Variants in HTR4 observed in about 807,000 individuals in gnomAD.
HTR4 encodes the protein 5-hydroxytryptamine (serotonin) receptor 4, G protein-coupled.
HTR4 carries 16 observed loss-of-function variants against 36.8 expected under a neutral mutation model. The ratio of observed to expected loss-of-function variants is 0.43; its 90% CI spans 0.29 to 0.66. The LOEUF (loss-of-function observed/expected upper bound fraction) is 0.66. Ranked by LOEUF, HTR4 falls within the 30% of genes least tolerant of loss-of-function variation. HTR4 has a pLI of 0.13. For missense variants in HTR4, 438 were observed against 490.9 expected, an observed-to-expected ratio of 0.89 and a Z score of 1.02; for synonymous variants, 189 against 185.1, an observed-to-expected ratio of 1.02 and a Z score of -0.17.
At chr5:148,538,265 G>A (rs998356944) in intron 4 of HTR4, among the ~76,000 whole-genome samples, 1 of 151,964 alleles carries the variant, frequency 6.6e-6, no homozygotes, top group Non-Finnish European at 1.5e-5. Context: ...TGACAAACTC[G>A]CAGCCAACAT....
At chr5:148,645,069 G>A (rs1004753790) in intron 1 of HTR4, 1 of 152,094 alleles carries the variant, frequency 6.6e-6, no homozygotes, top group African/African-American at 2.4e-5. Context: ...TTTATTTAAG[G>A]AAAATTAATT....
rs929025326 is a variant in HTR4 at position 148,501,958 on chromosome 5, G to A, written c.1076+7498C>T. ...GCCTGTAGTCCCAGCTACTGGGGAG[G>A]ATGAGGAAAGAGAATGGCGTGAACC... On this transcript the variant is annotated intron_variant, in intron 6 of 6. Coordinates refer to ENST00000377888, the MANE Select transcript of HTR4 (RefSeq NM_000870.7). Among the ~76,000 whole-genome samples the A allele has an allele frequency of 2.0e-5, 3 of 151,852 alleles. No individual in the cohort carries two copies. In the South Asian group the frequency reaches 6.2e-4, roughly 31 times the overall value.
chr5:148,605,604 T>A (rs992552464), intron 2 of HTR4, among the ~76,000 whole-genome samples: 1 of 152,074 alleles, frequency 6.6e-6, no homozygotes, highest in Non-Finnish European at 1.5e-5. Context: ...GATCTTCACG[T>A]TCCGCAGTTA....
intron 4 of HTR4, among the ~76,000 whole-genome samples, chr5:148,541,706 A>C (rs1271103820): frequency 6.6e-6 from 1 of 152,204 alleles, no homozygotes. Context: ...CATGGGTAGG[A>C]GTTGAGGTAG....
Position 148,465,389 on chromosome 5 carries a change from G to T in HTR4, c.1077-14117C>A, listed in dbSNP as rs528114792. Among the ~76,000 whole-genome samples, 44 of 152,240 alleles carry T rather than the reference G, an allele frequency of 2.9e-4. No individual in the cohort carries two copies. In the South Asian group the frequency reaches 8.5e-3, roughly 29 times the overall value. ...TCAGTTATGCTGTGAACCTAAAACT[G>T]CTCTAAAAAGTAGTCTCTTTAGAAA... On this transcript the variant is annotated intron_variant, in intron 5 of 5. Coordinates refer to the HTR4 transcript ENST00000521530.
intron 6 of HTR4, among the ~76,000 whole-genome samples, chr5:148,504,218 T>C (rs559128288): frequency 1.3e-5 from 2 of 152,318 alleles, no homozygotes; most frequent in Non-Finnish European, 2.9e-5. Flanking sequence ...ATCACACTTA[T>C]TCCAAAATTG....
chr5:148,501,732 C>G (rs1756943879), intron 6 of HTR4, among the ~76,000 whole-genome samples: 1 of 152,112 alleles, frequency 6.6e-6, no homozygotes, highest in African/African-American at 2.4e-5. Context: ...ATTCTCCACT[C>G]CCACAGTAAA....
intron 5 of HTR4, among the ~76,000 whole-genome samples, chr5:148,514,193 A>T (rs1290159368): frequency 6.6e-6 from 1 of 152,118 alleles, no homozygotes; most frequent in Non-Finnish European, 1.5e-5. Flanking sequence ...GTTTTAGGGG[A>T]TGAGCCTTCA....
chr5:148,598,396 T>C (rs1761861712), intron 2 of HTR4, among the ~76,000 whole-genome samples: 1 of 151,892 alleles, frequency 6.6e-6, no homozygotes, highest in Non-Finnish European at 1.5e-5. Context: ...AATACAAAAA[T>C]TAGCCAGGTG....
At chr5:148,476,789 G>C (rs759448492), downstream of HTR4, 8 of 1,612,016 alleles carry the variant, frequency 5.0e-6, no homozygotes, top group East Asian at 1.8e-4. Flanking sequence ...GAACCACACT[G>C]AAAAGCATAT....
At chr5:148,570,733 G>T (rs1384588690) in intron 2 of HTR4, among the ~76,000 whole-genome samples, 3 of 152,054 alleles carry the variant, frequency 2.0e-5, no homozygotes, top group Non-Finnish European at 2.9e-5. Flanking sequence ...TTTTAAGAAG[G>T]TTGGCACTGG....
intron 2 of HTR4, among the ~76,000 whole-genome samples, chr5:148,574,262 A>T (rs1357555953): frequency 6.6e-6 from 1 of 152,072 alleles, no homozygotes. Context: ...TCAGCTACAG[A>T]CAGGACAGCA....
chr5:148,646,854 C>A (rs1488287639), intron 1 of HTR4, among the ~76,000 whole-genome samples: 2 of 152,186 alleles, frequency 1.3e-5, no homozygotes, highest in African/African-American at 2.4e-5. Flanking sequence ...CTGCCCAAAG[C>A]AATTCCAGAC....
At chr5:148,573,712 C>A (rs1294245749) in intron 2 of HTR4, among the ~76,000 whole-genome samples, 1 of 152,008 alleles carries the variant, frequency 6.6e-6, no homozygotes, top group Admixed American at 6.6e-5. Context: ...ACAAGGCATT[C>A]TAGCATTTGT....
chr5:148,609,369 C>A (rs2127278049), intron 2 of HTR4, among the ~76,000 whole-genome samples: 1 of 152,300 alleles, frequency 6.6e-6, no homozygotes, highest in Non-Finnish European at 1.5e-5. Flanking sequence ...TGGGGACAAA[C>A]TCTGGCATTC....
intron 2 of HTR4, among the ~76,000 whole-genome samples, chr5:148,561,722 C>T (rs561113222): frequency 9.2e-5 from 14 of 151,900 alleles, no homozygotes; most frequent in South Asian, 2.1e-4. Flanking sequence ...TTTCAATATT[C>T]GGCTGATCAT....
rs371185024 is a variant in HTR4, at chr5:148,637,036, A to G, written c.-22T>C. 8 of 1,610,434 alleles carry G rather than the reference A, an allele frequency of 5.0e-6. No homozygotes were observed. The highest frequency in any genetic ancestry group is 2.2e-5 in the East Asian group (1 of 44,792). On this transcript the variant is annotated 5_prime_UTR_variant, in exon 2 of 7. Transcript: ENST00000377888. ...CCATTACAGGAAATAAGCATGAGTGAGTTGGATTTCAATGCCCACAGGGTC... is the reference window on the plus strand; with the variant it reads ...CCATTACAGGAAATAAGCATGAGTGGGTTGGATTTCAATGCCCACAGGGTC...
At chr5:148,457,716 GA>G (rs1262429537) in intron 5 of HTR4, among the ~76,000 whole-genome samples, 37 of 139,384 alleles carry the variant, frequency 2.7e-4, no homozygotes, top group East Asian at 6.2e-4. Flanking sequence ...AATATATTTT[GA>G]TATATCATTA....
At position 148,482,257 on chromosome 5, in the gene HTR4, C is replaced by A. The variant is rs201581924; in HGVS notation, c.*946G>T. On this transcript the variant is annotated 3_prime_UTR_variant, in exon 7 of 7. Coordinates refer to ENST00000377888, the MANE Select transcript of HTR4 (RefSeq NM_000870.7). ...TTCCAACAGTTATCTCCTTTGGCAG[C>A]AACAAAGCCAGATTGAAGGGTTTCA... is the stretch of plus-strand genomic sequence containing the variant. The A allele has an allele frequency of 1.0e-5, 10 of 985,468 alleles. No individual in the cohort carries two copies. The African/African-American group carries it at 1.6e-4, about 15-fold the overall frequency. 61.0% of individuals were successfully genotyped at this position (985,468 alleles called of 1,614,324 possible). A position where few individuals can be genotyped will look rare whatever the true frequency, so the allele number is the denominator to read the frequency against.
Sources: gnomAD v4.1 joint callset for allele counts (sites outside exome capture counted in the v4.1 genomes callset) on GRCh38, gnomAD v4.1.1 for gene constraint, MANE v1.5 for transcripts, NCBI Gene and HGNC (gene_info 2026-07-23, HGNC 2026-07-21) for gene names.